CAMK1: variants seen among roughly 807,000 people sequenced by gnomAD.
CAMK1 encodes the protein calcium/calmodulin-dependent protein kinase type 1.
Under a neutral mutation model 49.1 loss-of-function variants are expected in CAMK1, and 39 were observed. The ratio of observed to expected loss-of-function variants is 0.79; its 90% confidence interval spans 0.62 to 1.04. The LOEUF is 1.04. CAMK1 is among the 50% of genes least tolerant of loss of function. CAMK1 has a pLI of 0.00. For missense variants in CAMK1, 457 were observed against 472.2 expected (o/e 0.97, Z 0.30); for synonymous variants, 192 against 185.2 (o/e 1.04, Z -0.30).
rs143142172 is a variant in CAMK1 at position 9,760,672 on chromosome 3, G to A, written c.729C>T (p.Asp243=). ...AEYEFDSPYW[D]DISDSAKDFI... ...CCCAAATACCAGAGTCAGAGATGTC[G>A]TCCCAGTAAGGAGAGTCAAACTCGT... The change falls in exon 8 of 12, where the codon GAC becomes GAT. Residue 243 remains aspartate, a synonymous_variant. Transcript: ENST00000256460. The A allele has an allele frequency of 3.4e-5, 55 of 1,613,856 alleles. No individual in the cohort carries two copies. The highest frequency in any genetic ancestry group is 1.6e-4 in the Middle Eastern group (1 of 6,082).
chr3:9,764,665 G>A (rs1308313981), intron 3 of CAMK1, among the ~76,000 whole-genome samples: 1 of 90,976 alleles, frequency 1.1e-5, no homozygotes, highest in African/African-American at 4.2e-5. Context: ...TTTTGCTCTT[G>A]TTGCCTAGGC....
At chr3:9,761,907 CAAG>C in intron 5 of CAMK1, 150 bp from the exon 6 acceptor site, 1 of 1,224,752 alleles carries the variant, frequency 8.2e-7, no homozygotes. Context: ...AGGAAGCTCT[CAAG>C]AAGGCCAAAA....
chr3:9,769,297 C>T (rs3894318), intron 1 of CAMK1, among the ~76,000 whole-genome samples: 2,988 of 152,090 alleles, frequency 0.02, 90 homozygotes, highest in African/African-American at 0.068. Context: ...CCTCCAGCTC[C>T]TCTACCCCAT....
At chr3:9,760,366 T>G in intron 8 of CAMK1, 1 of 304,970 alleles carries the variant, frequency 3.3e-6, no homozygotes, top group South Asian at 4.1e-5. Flanking sequence ...AGGATGAAAA[T>G]GTTTATGGTG....
chr3:9,766,754 GAAATTTCAATCCTCA>G, intron 2 of CAMK1: 4 of 485,038 alleles, frequency 8.2e-6, no homozygotes, highest in Non-Finnish European at 1.1e-5. Context: ...CTCTCGTGGT[GAAATTTCAATCCTCA>G]GGGATAATTA....
Position 9,766,377 on chromosome 3 carries a change from G to A in CAMK1, c.84-487C>T, listed in dbSNP as rs550589486. On this transcript the variant is annotated intron_variant, in intron 2 of 11. Coordinates refer to ENST00000256460, the MANE Select transcript of CAMK1 (RefSeq NM_003656.5). ...GGTTCATCCCTTTTTCTGCTAATTC[G>A]AGTCATGGCTAATTTAACACCCTTT... 1.3e-4 allele frequency: 81 copies of A among 614,720 alleles called. 3 individuals are homozygous for A. Among genetic ancestry groups the A allele is most frequent in the South Asian group, 7.8e-4 (47 of 60,002 alleles). 38.1% of individuals were successfully genotyped at this position (614,720 alleles called of 1,614,324 possible). A position where few individuals can be genotyped will look rare whatever the true frequency, so the allele number is the denominator to read the frequency against.
intron 5 of CAMK1, chr3:9,762,075 C>A: frequency 7.9e-6 from 2 of 254,346 alleles, no homozygotes; most frequent in Non-Finnish European, 1.6e-5. Flanking sequence ...TGCTTCCCTG[C>A]TAGGCCAGTC....
intron 10 of CAMK1, 90 bp downstream of exon 10, chr3:9,759,398 G>T: frequency 6.3e-7 from 1 of 1,580,374 alleles, no homozygotes; most frequent in Non-Finnish European, 8.7e-7. Context: ...TGTGCCCAGT[G>T]TGATGCCAGG....
At chr3:9,758,822 G>T (rs2125565426) in intron 10 of CAMK1, 1 of 287,286 alleles carries the variant, frequency 3.5e-6, no homozygotes, top group African/African-American at 2.2e-5. Context: ...TAGAGACAGG[G>T]TTTTGCCATG....
In CAMK1 at chr3:9,757,863, T is replaced by C. The variant is rs2077658854; in HGVS notation, c.913-17A>G. The C allele has an allele frequency of 1.3e-6, 2 of 1,594,254 alleles. No homozygotes were observed. Among genetic ancestry groups the C allele is most frequent in the South Asian group, 1.1e-5 (1 of 89,890 alleles). On this transcript the variant is annotated splice_polypyrimidine_tract_variant and intron_variant, in intron 10 of 11. Transcript: ENST00000256460. The surrounding 1 kb of genome is among the most constrained non-coding windows in gnomAD (Gnocchi z 4.5). The stretch of plus-strand genomic sequence containing the variant: ...GAAGGCTTGCTGGCATTGAAGGCAT[T>C]GAAGGGAGAGGGGAGAAAGGACTTT...
chr3:9,763,550 T>C lies in CAMK1; in HGVS notation c.216-337A>G, dbSNP rs1256286701. Among the ~76,000 whole-genome samples, 3 of 152,106 alleles carry C rather than the reference T, an allele frequency of 2.0e-5. No homozygotes were observed. In the East Asian group the frequency reaches 5.8e-4, roughly 29 times the overall value. Reference sequence around the variant, plus strand: ...CTAGCTTACCATGGTTTATTACCATTTTTTGGAAGGTGAGAGAGCAGAGGG... The same window carrying C: ...CTAGCTTACCATGGTTTATTACCATCTTTTGGAAGGTGAGAGAGCAGAGGG... On this transcript the variant is annotated intron_variant, in intron 3 of 11. Transcript: ENST00000256460.
At chr3:9,759,834 C>G in intron 8 of CAMK1, 84 bp from the exon 9 acceptor site, 1 of 1,610,306 alleles carries the variant, frequency 6.2e-7, no homozygotes, top group African/African-American at 1.3e-5. Context: ...TCCCTCAGGT[C>G]TGGCCTGGCA....
Position 9,758,984 on chromosome 3 carries a change from CAG to C in CAMK1, c.912+502_912+503del, listed in dbSNP as rs893494379. 25 of 583,322 alleles carry C rather than the reference CAG, an allele frequency of 4.3e-5. No individual in the cohort carries two copies. The African/African-American group carries it at 4.7e-4, about 11-fold the overall frequency. 36.1% of individuals were successfully genotyped at this position (583,322 alleles called of 1,614,324 possible). A position where few individuals can be genotyped will look rare whatever the true frequency, so the allele number is the denominator to read the frequency against. ...TGCCTAAGATTCTTCTGGGGCTCCTCAGTGCCCTCAGGATCAAGTTGGTGCTC... is the reference window on the plus strand; with the variant it reads ...TGCCTAAGATTCTTCTGGGGCTCCTCTGCCCTCAGGATCAAGTTGGTGCTC... On this transcript the variant is annotated intron_variant, in intron 10 of 11. Coordinates refer to ENST00000256460, the MANE Select transcript of CAMK1 (RefSeq NM_003656.5).
Position 9,757,670 on chromosome 3 carries a change from T to C in CAMK1, c.1031-49A>G. 1 of 1,613,982 alleles carries C rather than the reference T, an allele frequency of 6.2e-7. No individual in the cohort carries two copies. The highest frequency in any genetic ancestry group is 8.5e-7 in the Non-Finnish European group (1 of 1,179,970). On this transcript the variant is annotated intron_variant, in intron 11 of 11. Coordinates refer to ENST00000256460, the MANE Select transcript of CAMK1 (RefSeq NM_003656.5). The surrounding 1 kb of genome is among the most constrained non-coding windows in gnomAD (Gnocchi z 4.5). Reference sequence around the variant, plus strand: ...GTGGCCGCAGGGGCAGGCCCTCCACTCCAGCCCGGGTGCACCTTTGTGGAC... The same window carrying C: ...GTGGCCGCAGGGGCAGGCCCTCCACCCCAGCCCGGGTGCACCTTTGTGGAC...
intron 7 of CAMK1, chr3:9,761,027 A>G (rs992828213): frequency 1.5e-5 from 7 of 453,978 alleles, no homozygotes; most frequent in South Asian, 5.0e-5. Flanking sequence ...CACACCTCCA[A>G]TGTCTGGCTC....
At chr3:9,768,709 C>G (rs2078224872) in intron 1 of CAMK1, among the ~76,000 whole-genome samples, 1 of 152,202 alleles carries the variant, frequency 6.6e-6, no homozygotes, top group Admixed American at 6.5e-5. Flanking sequence ...ACAGATGAGG[C>G]CAAAACAGAG....
intron 5 of CAMK1, among the ~76,000 whole-genome samples, chr3:9,762,694 C>T (rs2077941689): frequency 6.6e-6 from 1 of 151,708 alleles, no homozygotes; most frequent in Admixed American, 6.6e-5. Context: ...CAGAAAAAGA[C>T]AAAATGTTGT....
At chr3:9,766,110 T>C (rs774570661) in intron 2 of CAMK1, 2 of 1,370,436 alleles carry the variant, frequency 1.5e-6, no homozygotes, top group Non-Finnish European at 2.0e-6. Context: ...GGTCATGTGA[T>C]GCAAGCCAGC....
At chr3:9,767,880 T>C in intron 1 of CAMK1, 99 bp from the exon 2 acceptor site, 1 of 1,409,514 alleles carries the variant, frequency 7.1e-7, no homozygotes, top group Admixed American at 2.7e-5. Context: ...CATTTATTCA[T>C]CCTTGATTCA....
Sources: gnomAD v4.1 joint callset for allele counts (sites outside exome capture counted in the v4.1 genomes callset) on GRCh38, gnomAD v4.1.1 for gene constraint, Gnocchi (gnomAD v3.1) non-coding constraint, MANE v1.5 for transcripts, NCBI Gene and HGNC (gene_info 2026-07-23, HGNC 2026-07-21) for gene names.